ADAMTSL1: variants seen among roughly 807,000 people sequenced by gnomAD.
ADAMTSL1 encodes the protein ADAMTS-like protein 1.
A neutral mutation model predicts 201.8 loss-of-function variants in ADAMTSL1; 126 were observed. The observed-to-expected ratio is 0.62, with a 90% confidence interval of 0.54 to 0.72. ADAMTSL1 has a LOEUF of 0.72. Among genes scored for constraint, ADAMTSL1 ranks in the 30% least tolerant of loss-of-function variants. The pLI is 0.00. For missense variants in ADAMTSL1, 2,679 were observed against 2,277.8 expected, an observed-to-expected ratio of 1.18 and a Z score of -3.59; for synonymous variants, 1,121 against 903.4, an observed-to-expected ratio of 1.24 and a Z score of -4.32.
At chr9:18,381,095 T>C (rs914427652) in intron 2 of ADAMTSL1, among the ~76,000 whole-genome samples, 3 of 152,226 alleles carry the variant, frequency 2.0e-5, no homozygotes, top group African/African-American at 7.2e-5. Context: ...GAAAATGAAA[T>C]GCACTTGAAT....
chr9:18,467,980 A>G (rs1453588764), intron 2 of ADAMTSL1, among the ~76,000 whole-genome samples: 1 of 152,208 alleles, frequency 6.6e-6, no homozygotes, highest in Non-Finnish European at 1.5e-5. Context: ...GAACTGAACT[A>G]GGAATTAGGG....
At chr9:18,456,675 A>G (rs1198122643) in intron 2 of ADAMTSL1, among the ~76,000 whole-genome samples, 1 of 152,204 alleles carries the variant, frequency 6.6e-6, no homozygotes, top group Admixed American at 6.5e-5. Context: ...AGATTTTTAA[A>G]TAAGGACTAA....
chr9:17,986,503 A>G (rs1366050327), intron 1 of ADAMTSL1, among the ~76,000 whole-genome samples: 2 of 152,084 alleles, frequency 1.3e-5, no homozygotes, highest in African/African-American at 4.8e-5. Flanking sequence ...ATGATCTGTA[A>G]TCCTCTGTCA....
chr9:18,096,562 G>T (rs1353159874), intron 1 of ADAMTSL1, among the ~76,000 whole-genome samples: 1 of 152,214 alleles, frequency 6.6e-6, no homozygotes, highest in East Asian at 1.9e-4. Flanking sequence ...TTGGTTACGT[G>T]AAGCATGTTC....
Position 18,360,895 on chromosome 9 carries a change from T to G in ADAMTSL1, c.208-143934T>G, listed in dbSNP as rs192060929. ...GAAAAATGGACTCCAAAACAACCAT[T>G]TTTAAGTTTCCCATCTCCTGCTTTC... is the stretch of plus-strand genomic sequence containing the variant. On this transcript the variant is annotated intron_variant, in intron 2 of 29. Coordinates refer to the ADAMTSL1 transcript ENST00000680146. Among the ~76,000 whole-genome samples the G allele has an allele frequency of 2.3e-4, 35 of 152,216 alleles. 1 individual carries two copies. The highest frequency in any genetic ancestry group is 2.2e-3 in the Admixed American group (33 of 15,274).
intron 4 of ADAMTSL1, among the ~76,000 whole-genome samples, chr9:18,592,863 T>C (rs1424043386): frequency 6.6e-6 from 1 of 152,206 alleles, no homozygotes; most frequent in Non-Finnish European, 1.5e-5. Context: ...ACATGGAATC[T>C]TTTTTCATTT....
chr9:18,581,533 A>C (rs73431670), intron 4 of ADAMTSL1, among the ~76,000 whole-genome samples: 16,767 of 152,202 alleles, frequency 0.11, 1,024 homozygotes, highest in Middle Eastern at 0.16. Context: ...TAACTCTAAA[A>C]TATTATCAAC....
At chr9:18,545,599 C>A (rs1019790752) in intron 3 of ADAMTSL1, among the ~76,000 whole-genome samples, 1 of 152,088 alleles carries the variant, frequency 6.6e-6, no homozygotes, top group Non-Finnish European at 1.5e-5. Context: ...AGAATCCTTG[C>A]TGAAAACATC....
chr9:17,919,919 C>A (rs1465107837), intron 1 of ADAMTSL1, among the ~76,000 whole-genome samples: 2 of 152,100 alleles, frequency 1.3e-5, no homozygotes, highest in East Asian at 1.9e-4. Context: ...ACCTGCTACA[C>A]CATTATACAT....
intron 1 of ADAMTSL1, among the ~76,000 whole-genome samples, chr9:18,119,279 T>G (rs1305313879): frequency 6.6e-6 from 1 of 151,632 alleles, no homozygotes; most frequent in Non-Finnish European, 1.5e-5. Context: ...CTTCCCTTCC[T>G]GAATATTTTT....
intron 2 of ADAMTSL1, among the ~76,000 whole-genome samples, chr9:18,357,710 G>A (rs1836314818): frequency 6.6e-6 from 1 of 152,068 alleles, no homozygotes; most frequent in African/African-American, 2.4e-5. Flanking sequence ...AATAGTCTAA[G>A]TATTGCCAGC....
At chr9:18,361,227 C>G (rs559756894) in intron 2 of ADAMTSL1, among the ~76,000 whole-genome samples, 1 of 151,476 alleles carries the variant, frequency 6.6e-6, no homozygotes, top group Non-Finnish European at 1.5e-5. Context: ...GTGTATTTTT[C>G]GATTATAAGG....
chr9:18,758,307 G>C (rs549279798), intron 16 of ADAMTSL1, among the ~76,000 whole-genome samples: 1 of 152,304 alleles, frequency 6.6e-6, no homozygotes, highest in East Asian at 1.9e-4. Flanking sequence ...GCAGTTTACA[G>C]AACACTCGGT....
At chr9:18,201,314 G>C (rs1213665822) in intron 2 of ADAMTSL1, among the ~76,000 whole-genome samples, 3 of 152,058 alleles carry the variant, frequency 2.0e-5, no homozygotes, top group Non-Finnish European at 4.4e-5. Context: ...GTACCTTCCA[G>C]TATGTCTACT....
Position 18,222,620 on chromosome 9 carries a change from T to G in ADAMTSL1, c.207+58639T>G, listed in dbSNP as rs545826425. ...TTAGCATTGTATATTCCAATCAGTA[T>G]TTGTTTCAATTTACTCATATACTCT... On this transcript the variant is annotated intron_variant, in intron 2 of 29. Coordinates refer to the ADAMTSL1 transcript ENST00000680146. 1.5e-3 allele frequency among the ~76,000 whole-genome samples: 227 copies of G among 151,612 alleles called. 1 individual carries two copies. Among genetic ancestry groups the G allele is most frequent in the African/African-American group, 4.7e-3 (194 of 41,450 alleles).
Position 18,908,479 on chromosome 9 carries a change from G to GAAAC in ADAMTSL1, c.5222_5225dup (p.Leu1743ThrfsTer11). 6.4e-7 allele frequency: 1 copy of GAAAC among 1,563,620 alleles called. No individual in the cohort carries two copies. Among genetic ancestry groups the GAAAC allele is most frequent in the Non-Finnish European group, 8.7e-7 (1 of 1,154,126 alleles). On this transcript the variant is annotated frameshift_variant, in exon 29 of 29. Coordinates refer to ENST00000380548, the MANE Select transcript of ADAMTSL1 (RefSeq NM_001040272.6). LOFTEE classifies it high-confidence loss of function. ...ACACCACCAGGTACTGCGAGAAGGT[G>GAAAC]AAACAGCTGAAACTCTGCCAACTCA...
intron 14 of ADAMTSL1, among the ~76,000 whole-genome samples, chr9:18,712,248 G>A (rs906043477): frequency 6.6e-6 from 1 of 152,256 alleles, no homozygotes; most frequent in African/African-American, 2.4e-5. Context: ...GCTGGACGGA[G>A]AATGACTTTG....
At chr9:18,336,893 TATC>T (rs1332157741) in intron 2 of ADAMTSL1, among the ~76,000 whole-genome samples, 1 of 152,192 alleles carries the variant, frequency 6.6e-6, no homozygotes, top group Non-Finnish European at 1.5e-5. Flanking sequence ...TTATAATAAA[TATC>T]ATGACTATGC....
intron 2 of ADAMTSL1, among the ~76,000 whole-genome samples, chr9:18,253,045 C>T (rs1351074833): frequency 6.6e-6 from 1 of 152,082 alleles, no homozygotes; most frequent in Non-Finnish European, 1.5e-5. Context: ...GAATACTGTG[C>T]CGCTATTTGA....
Sources: allele counts gnomAD v4.1 joint callset (sites outside exome capture counted in the v4.1 genomes callset), GRCh38; gene constraint gnomAD v4.1.1; transcripts MANE v1.5; gene names NCBI Gene and HGNC (gene_info 2026-07-23, HGNC 2026-07-21).